Variants in RBM47 observed in about 807,000 individuals in gnomAD.
The protein encoded by RBM47 is RNA binding motif protein 47.
Under a neutral mutation model 47.1 loss-of-function variants are expected in RBM47, and 21 were observed. The ratio of observed to expected loss-of-function variants is 0.45; its 90% CI spans 0.32 to 0.64. The LOEUF (loss-of-function observed/expected upper bound fraction) is 0.64. Ranked by LOEUF, RBM47 falls within the 30% of genes least tolerant of loss-of-function variation. The pLI, the probability that RBM47 is intolerant of heterozygous loss-of-function variation, is 0.05. For missense variants in RBM47, 708 were observed against 870.9 expected, an observed-to-expected ratio of 0.81 and a Z score of 2.35; for synonymous variants, 375 against 361.7, an observed-to-expected ratio of 1.04 and a Z score of -0.42.
At chr4:40,606,918 G>A (rs1016560658) in intron 1 of RBM47, among the ~76,000 whole-genome samples, 9 of 152,106 alleles carry the variant, frequency 5.9e-5, no homozygotes, top group African/African-American at 2.2e-4. Flanking sequence ...AGGAGATCGA[G>A]GCTGCAGTGA....
intron 1 of RBM47, among the ~76,000 whole-genome samples, chr4:40,594,043 C>A (rs1403420558): frequency 6.6e-6 from 1 of 151,820 alleles, no homozygotes; most frequent in Non-Finnish European, 1.5e-5. Context: ...CAGAGCAAGA[C>A]CCCATCTCAA....
chr4:40,432,251 A>G (rs976008808), intron 6 of RBM47, among the ~76,000 whole-genome samples: 8 of 148,296 alleles, frequency 5.4e-5, no homozygotes, highest in Admixed American at 2.7e-4. Context: ...CACGGGGGTT[A>G]ACATTTTTTT....
At chr4:40,513,941 A>G (rs887667511) in intron 2 of RBM47, among the ~76,000 whole-genome samples, 3 of 151,184 alleles carry the variant, frequency 2.0e-5, no homozygotes, top group Non-Finnish European at 4.4e-5. Context: ...CTCGTCTCGA[A>G]CTCCTGACCT....
At chr4:40,435,327 TC>T (rs1370795887) in intron 5 of RBM47, among the ~76,000 whole-genome samples, 1 of 152,094 alleles carries the variant, frequency 6.6e-6, no homozygotes, top group Admixed American at 6.5e-5. Flanking sequence ...GGCGGGTGGC[TC>T]ACTTGAGGTC....
At chr4:40,522,244 C>G (rs1489585469) in intron 2 of RBM47, among the ~76,000 whole-genome samples, 1 of 152,148 alleles carries the variant, frequency 6.6e-6, no homozygotes, top group African/African-American at 2.4e-5. Context: ...GTGGCTCACG[C>G]CTGTAATCCT....
intron 2 of RBM47, chr4:40,491,739 CAA>C (rs1371926134): frequency 5.7e-6 from 1 of 174,442 alleles, no homozygotes; most frequent in Non-Finnish European, 1.2e-5. Flanking sequence ...AGCCAAATGA[CAA>C]AGAGAACGTC....
chr4:40,487,617 CA>C (rs1363903410), intron 2 of RBM47, among the ~76,000 whole-genome samples: 2 of 152,084 alleles, frequency 1.3e-5, no homozygotes, highest in African/African-American at 4.8e-5. Flanking sequence ...TATCAAAAAC[CA>C]GACAGTCAAC....
chr4:40,540,657 T>A (rs200850176), intron 2 of RBM47, among the ~76,000 whole-genome samples: 3,961 of 104,200 alleles, frequency 0.038, 87 homozygotes, highest in Middle Eastern at 0.097. Context: ...AAAAAAATAA[T>A]AATAATAATA....
chr4:40,452,524 C>A (rs1715597513), intron 3 of RBM47, among the ~76,000 whole-genome samples: 1 of 152,024 alleles, frequency 6.6e-6, no homozygotes, highest in South Asian at 2.1e-4. Context: ...AAGCAGGAGG[C>A]CTGAGTAGTG....
chr4:40,595,596 T>TA (rs913787013), intron 1 of RBM47, among the ~76,000 whole-genome samples: 6 of 151,714 alleles, frequency 4.0e-5, no homozygotes, highest in Non-Finnish European at 7.4e-5. Context: ...CATTTATGTT[T>TA]AAAAGATCAG....
chr4:40,565,941 G>T (rs1424226912), intron 1 of RBM47, among the ~76,000 whole-genome samples: 3 of 151,986 alleles, frequency 2.0e-5, no homozygotes, highest in African/African-American at 7.3e-5. Flanking sequence ...GGTGGCACAC[G>T]CCTGAAGTCT....
chr4:40,494,447 T>C (rs1386395228), intron 2 of RBM47, among the ~76,000 whole-genome samples: 1 of 152,208 alleles, frequency 6.6e-6, no homozygotes, highest in Non-Finnish European at 1.5e-5. Context: ...GAGCAATATC[T>C]TGCTAAATCT....
At chr4:40,462,402 G>A (rs1160785943) in intron 3 of RBM47, among the ~76,000 whole-genome samples, 2 of 152,106 alleles carry the variant, frequency 1.3e-5, no homozygotes, top group African/African-American at 4.8e-5. Context: ...CCCAACAACA[G>A]AGTGTCCTCT....
intron 1 of RBM47, among the ~76,000 whole-genome samples, chr4:40,587,791 C>T (rs1249274260): frequency 2.6e-5 from 4 of 152,104 alleles, no homozygotes; most frequent in Admixed American, 2.6e-4. Flanking sequence ...TAAAATGAGA[C>T]AAGTAAATAG....
chr4:40,445,705 G>A lies in RBM47; in HGVS notation c.-31-6781C>T, dbSNP rs575185077. 1.1e-3 allele frequency among the ~76,000 whole-genome samples: 164 copies of A among 152,260 alleles called. 1 individual carries two copies. The highest frequency in any genetic ancestry group is 0.01 in the Middle Eastern group (3 of 294). On this transcript the variant is annotated intron_variant, in intron 3 of 6. Coordinates refer to ENST00000295971, the MANE Select transcript of RBM47 (RefSeq NM_001098634.2). Reference sequence around the variant, plus strand: ...ATACACCTCAACATTGTTAACATTCGTTTCTGATAAGGCCATAGTTCCCCA... The same window carrying A: ...ATACACCTCAACATTGTTAACATTCATTTCTGATAAGGCCATAGTTCCCCA...
At chr4:40,434,690 A>G (rs1370435962) in intron 5 of RBM47, among the ~76,000 whole-genome samples, 2 of 120,440 alleles carry the variant, frequency 1.7e-5, no homozygotes, top group Non-Finnish European at 3.3e-5. Flanking sequence ...AAATTGCAGA[A>G]TTTTTACACA....
At chr4:40,606,646 T>C (rs777498536) in intron 1 of RBM47, among the ~76,000 whole-genome samples, 1 of 152,074 alleles carries the variant, frequency 6.6e-6, no homozygotes, top group Non-Finnish European at 1.5e-5. Flanking sequence ...CTCCACTTGC[T>C]GGCTGGCAAC....
chr4:40,434,064 A>T (rs963034299), intron 5 of RBM47, among the ~76,000 whole-genome samples: 4 of 149,516 alleles, frequency 2.7e-5, no homozygotes, highest in African/African-American at 9.8e-5. Flanking sequence ...AAAAATATGA[A>T]ATGTGTACAC....
chr4:40,624,866 T>C (rs1009682275), intron 1 of RBM47, among the ~76,000 whole-genome samples: 38 of 129,212 alleles, frequency 2.9e-4, no homozygotes, highest in Admixed American at 4.1e-4. Context: ...TTTTCTTTTT[T>C]TTTTTTTTTT....
Sources: allele counts gnomAD v4.1 joint callset (sites outside exome capture counted in the v4.1 genomes callset), GRCh38; gene constraint gnomAD v4.1.1; transcripts MANE v1.5; gene names NCBI Gene and HGNC (gene_info 2026-07-23, HGNC 2026-07-21).